Variants in NAV3 observed in about 807,000 individuals in gnomAD.
NAV3 encodes the protein pore membrane and/or filament interacting like protein 1.
Under a neutral mutation model 244.7 loss-of-function variants are expected in NAV3, and 87 were observed. The observed-to-expected ratio is 0.36, with a 90% CI of 0.30 to 0.42. NAV3 has a LOEUF of 0.42. NAV3 is among the 20% of genes least tolerant of loss of function. The probability of loss-of-function intolerance (pLI) is 1.00; values close to 1 mark genes in which losing one functional copy is unlikely to be tolerated. For missense variants in NAV3, 2,663 were observed against 2,893.3 expected (o/e 0.92, Z 1.83); for synonymous variants, 1,126 against 1,042.2 (o/e 1.08, Z -1.55).
intron 2 of NAV3, among the ~76,000 whole-genome samples, chr12:77,647,489 A>C (rs1293231428): frequency 1.3e-5 from 2 of 151,640 alleles, no homozygotes; most frequent in Non-Finnish European, 2.9e-5. Flanking sequence ...TTTTGCCCAA[A>C]CTAGATGAAT....
chr12:78,124,504 A>G (rs892321458), intron 16 of NAV3, among the ~76,000 whole-genome samples: 2 of 152,092 alleles, frequency 1.3e-5, no homozygotes, highest in African/African-American at 2.4e-5. Context: ...CCCAGGCTGG[A>G]GGGCAGTGGT....
intron 1 of NAV3, among the ~76,000 whole-genome samples, chr12:77,931,776 A>G (rs911917647): frequency 1.1e-4 from 17 of 152,100 alleles, no homozygotes; most frequent in African/African-American, 3.6e-4. Flanking sequence ...CTGAGGCCGG[A>G]GAATGGCGTG....
In NAV3 at chr12:78,199,359, A is replaced by G. The variant is rs374961993; in HGVS notation, c.6543A>G (p.Thr2181=). ...NFRWVLCANH[T]EPVKGFLGRY... Reference sequence around the variant, plus strand: ...GGTGGGTATTATGTGCAAATCATACAGAACCAGTGAAAGGCTTTTTAGGCA... The same window carrying G: ...GGTGGGTATTATGTGCAAATCATACGGAACCAGTGAAAGGCTTTTTAGGCA... Residue 2181 remains threonine (T), a synonymous_variant, in exon 37 of 40, where the codon ACA becomes ACG. Transcript: ENST00000397909. 4.9e-5 allele frequency: 79 copies of G among 1,607,616 alleles called. No individual in the cohort carries two copies. Among genetic ancestry groups the G allele is most frequent in the Non-Finnish European group, 6.6e-5 (78 of 1,177,662 alleles).
chr12:77,978,261 T>C (rs528015907), intron 5 of NAV3, among the ~76,000 whole-genome samples: 1 of 152,278 alleles, frequency 6.6e-6, no homozygotes, highest in African/African-American at 2.4e-5. Flanking sequence ...ATTTGTCCTA[T>C]GAAATATTTT....
rs565204708 is a variant in NAV3, at chr12:77,957,150, TTC to T, written c.415-9075_415-9074del. Among the ~76,000 whole-genome samples the T allele has an allele frequency of 3.2e-3, 484 of 152,332 alleles. 3 individuals carry two copies. Among genetic ancestry groups the T allele is most frequent in the African/African-American group, 0.011 (469 of 41,574 alleles). ...CGCTGCTCTACAGAGTTGTTTATAATTCTCTTTGGAATTTATCATGTTATGCC... is the reference window on the plus strand; with the variant it reads ...CGCTGCTCTACAGAGTTGTTTATAATTCTTTGGAATTTATCATGTTATGCC... On this transcript the variant is annotated intron_variant, in intron 3 of 39. Coordinates refer to ENST00000397909, the MANE Select transcript of NAV3 (RefSeq NM_001024383.2).
In NAV3 at chr12:77,913,572, A is replaced by AT. The variant is rs530603937; in HGVS notation, c.244-26741dup. 2.9e-3 allele frequency among the ~76,000 whole-genome samples: 439 copies of AT among 152,114 alleles called. 1 individual carries two copies. Among genetic ancestry groups the AT allele is most frequent in the African/African-American group, 0.01 (423 of 41,518 alleles). ...TTACATACTATATTAACATAGTTTG[A>AT]TTTTTTAAATTCATTCAGGAAATTT... On this transcript the variant is annotated intron_variant, in intron 1 of 39. Transcript: ENST00000397909.
intron 1 of NAV3, among the ~76,000 whole-genome samples, chr12:77,864,872 G>C (rs565277145): frequency 6.6e-6 from 1 of 152,076 alleles, no homozygotes; most frequent in South Asian, 2.1e-4. Context: ...AATGTTTGGA[G>C]TAGTGTCTTG....
intron 2 of NAV3, among the ~76,000 whole-genome samples, chr12:77,743,351 G>A (rs1025560422): frequency 5.3e-5 from 8 of 151,670 alleles, no homozygotes; most frequent in African/African-American, 1.5e-4. Flanking sequence ...GGATTTTTTC[G>A]ACTAGGGGTT....
chr12:77,680,073 C>T (rs903407487), intron 2 of NAV3, among the ~76,000 whole-genome samples: 1 of 152,026 alleles, frequency 6.6e-6, no homozygotes, highest in Non-Finnish European at 1.5e-5. Context: ...ATAGAGATTG[C>T]ATGGTGTTAT....
In NAV3 at chr12:78,049,441, G is replaced by A. The variant is rs149722918; in HGVS notation, c.2024-552G>A. Among the ~76,000 whole-genome samples, 6 of 152,322 alleles carry A rather than the reference G, an allele frequency of 3.9e-5. No homozygotes were observed. In the East Asian group the frequency reaches 1.2e-3, roughly 29 times the overall value. ...CGTCCTTCAAGGCACAGTCCCTCAT[G>A]ACTTCCCTTGGCTAGGGGAGGGAGT... On this transcript the variant is annotated intron_variant, in intron 9 of 39. Transcript: ENST00000397909.
chr12:77,619,803 C>T (rs1312765804), intron 2 of NAV3, among the ~76,000 whole-genome samples: 1 of 151,700 alleles, frequency 6.6e-6, no homozygotes, highest in Non-Finnish European at 1.5e-5. Context: ...ATTCCATTCT[C>T]AAAATGACTT....
chr12:77,990,977 G>A (rs1274547973), intron 5 of NAV3, among the ~76,000 whole-genome samples: 1 of 152,020 alleles, frequency 6.6e-6, no homozygotes, highest in Non-Finnish European at 1.5e-5. Context: ...TGCTGGTTTG[G>A]TGACACATGA....
chr12:78,138,871 G>T (rs1956485847), intron 19 of NAV3, among the ~76,000 whole-genome samples: 1 of 152,128 alleles, frequency 6.6e-6, no homozygotes, highest in Non-Finnish European at 1.5e-5. Context: ...AACTATTCTA[G>T]TTCTTAAATG....
At chr12:77,968,758 T>A in intron 5 of NAV3, 56 bp downstream of exon 5, 1 of 1,528,490 alleles carries the variant, frequency 6.5e-7, no homozygotes, top group Non-Finnish European at 8.9e-7. Context: ...ATACAACTTG[T>A]TTTTAACAAA....
chr12:77,982,044 A>G (rs545941036), intron 5 of NAV3, among the ~76,000 whole-genome samples: 1 of 152,310 alleles, frequency 6.6e-6, no homozygotes, highest in East Asian at 1.9e-4. Context: ...ATAAAAACTG[A>G]TGTAATGTCA....
chr12:77,673,589 G>T (rs1186613878), intron 2 of NAV3, among the ~76,000 whole-genome samples: 2 of 151,856 alleles, frequency 1.3e-5, no homozygotes, highest in Non-Finnish European at 2.9e-5. Context: ...CAAGTAATCT[G>T]ATACACAATG....
intron 3 of NAV3, among the ~76,000 whole-genome samples, chr12:77,958,168 A>G (rs1354085130): frequency 2.0e-5 from 3 of 152,230 alleles, no homozygotes; most frequent in Non-Finnish European, 4.4e-5. Context: ...TTTAGCAAGT[A>G]TGTAAGGGTC....
At position 78,210,579 on chromosome 12, in the gene NAV3, T is replaced by A; in HGVS notation, c.*62T>A. The A allele has an allele frequency of 1.3e-6, 2 of 1,584,024 alleles. No individual in the cohort carries two copies. The highest frequency in any genetic ancestry group is 1.7e-6 in the Non-Finnish European group (2 of 1,164,606). On this transcript the variant is annotated 3_prime_UTR_variant, in exon 40 of 40. Transcript: ENST00000397909. ...AAAAAAATGTTTCAAAAGAAAGGTATTTTCACTAAACCACTGCCAGTATAA... is the reference window on the plus strand; with the variant it reads ...AAAAAAATGTTTCAAAAGAAAGGTAATTTCACTAAACCACTGCCAGTATAA...
At chr12:77,733,951 A>T (rs1877229951) in intron 2 of NAV3, among the ~76,000 whole-genome samples, 2 of 150,670 alleles carry the variant, frequency 1.3e-5, no homozygotes, top group Admixed American at 1.3e-4. Flanking sequence ...GATATTTAAG[A>T]TGTTAGGAGA....
Sources: allele counts gnomAD v4.1 joint callset (sites outside exome capture counted in the v4.1 genomes callset), GRCh38; gene constraint gnomAD v4.1.1; transcripts MANE v1.5; gene names NCBI Gene and HGNC (gene_info 2026-07-23, HGNC 2026-07-21).